PDGFB: variants seen among roughly 807,000 people sequenced by gnomAD.
PDGFB encodes platelet-derived growth factor subunit B.
In PDGFB, 6 loss-of-function variants were observed where a neutral mutation model predicts 29.0. The observed-to-expected ratio is 0.21, with a 90% CI of 0.11 to 0.41. The LOEUF (loss-of-function observed/expected upper bound fraction) is 0.41. Ranked by LOEUF, PDGFB falls within the 10% of genes least tolerant of loss-of-function variation. PDGFB has a pLI of 1.00. For synonymous variants in PDGFB, 144 were observed against 140.8 expected, an observed-to-expected ratio of 1.02 and a Z score of -0.16; for missense variants, 299 against 341.8, an observed-to-expected ratio of 0.87 and a Z score of 0.99.
chr22:39,229,605 T>C (rs2146435590), intron 5 of PDGFB, among the ~76,000 whole-genome samples: 1 of 152,206 alleles, frequency 6.6e-6, no homozygotes, highest in South Asian at 2.1e-4. Flanking sequence ...CCTTCCACCA[T>C]CCCATCCCCA....
intron 5 of PDGFB, 125 bp from the exon 6 acceptor site, chr22:39,225,972 G>GGGGAA: frequency 8.6e-7 from 1 of 1,164,466 alleles, no homozygotes; most frequent in East Asian, 2.6e-5. Flanking sequence ...CTGGACCAGG[G>GGGGAA]TCCTGGGTTT....
rs755404591 is a variant in PDGFB at position 39,235,761 on chromosome 22, G to A, written c.160+17C>T. 2.1e-5 allele frequency: 34 copies of A among 1,585,042 alleles called. No homozygotes were observed. Among genetic ancestry groups the A allele is most frequent in the African/African-American group, 4.0e-5 (3 of 74,288 alleles). ...TCTCCTCGGAGGGCCGGAGCGCGGG[G>A]CGAGGATTCCATTTACCTCCGGGGT... On this transcript the variant is annotated intron_variant, in intron 2 of 6. Coordinates refer to ENST00000331163, the MANE Select transcript of PDGFB (RefSeq NM_002608.4).
chr22:39,242,316 G>A lies in PDGFB; in HGVS notation c.63+1585C>T, dbSNP rs1470544216. On this transcript the variant is annotated intron_variant, in intron 1 of 6. Coordinates refer to ENST00000331163, the MANE Select transcript of PDGFB (RefSeq NM_002608.4). The surrounding 1 kb of genome is among the most constrained non-coding windows in gnomAD (Gnocchi z 5.7). The stretch of plus-strand genomic sequence containing the variant: ...CGTGGGGTGAGTGAGCGAGTCGGGG[G>A]CCCGGGCGGGGTGGGCTGCGGAGAG... The A allele has an allele frequency of 1.5e-5, 3 of 198,210 alleles. No homozygotes were observed. Among genetic ancestry groups the A allele is most frequent in the African/African-American group, 2.3e-5 (1 of 43,392 alleles). 12.3% of individuals were successfully genotyped at this position (198,210 alleles called of 1,614,324 possible).
intron 5 of PDGFB, among the ~76,000 whole-genome samples, chr22:39,228,092 T>A (rs1440705999): frequency 6.6e-6 from 1 of 152,112 alleles, no homozygotes; most frequent in Admixed American, 6.6e-5. Context: ...GGTCTGACAC[T>A]GACCACATTA....
At chr22:39,225,883 G>A in intron 5 of PDGFB, 36 bp from the exon 6 acceptor site, 2 of 1,590,994 alleles carry the variant, frequency 1.3e-6, no homozygotes, top group Non-Finnish European at 1.7e-6. Context: ...TCAGCATGTG[G>A]ACCATTGGGG....
Position 39,243,972 on chromosome 22 carries a change from C to G in PDGFB, c.-9G>C, listed in dbSNP as rs1463413535. 4 of 1,433,166 alleles carry G rather than the reference C, an allele frequency of 2.8e-6. No homozygotes were observed. Among genetic ancestry groups the G allele is most frequent in the Admixed American group, 1.9e-5 (1 of 52,692 alleles). The allele number at this position is 1,433,166 out of a possible 1,614,324, so 88.8% of individuals were successfully genotyped here. A position where few individuals can be genotyped will look rare whatever the true frequency, so the allele number is the denominator to read the frequency against. On this transcript the variant is annotated 5_prime_UTR_variant, in exon 1 of 7. Transcript: ENST00000331163. The surrounding 1 kb of genome is among the most constrained non-coding windows in gnomAD (Gnocchi z 6.4). ...GCCCAGCAGCGATTCATGCCGACTC[C>G]GGGCCCGGCCCCGCGGGGCCCCGGA...
chr22:39,240,125 C>T (rs927951496), intron 1 of PDGFB, among the ~76,000 whole-genome samples: 5 of 152,242 alleles, frequency 3.3e-5, no homozygotes, highest in Admixed American at 2.6e-4. Flanking sequence ...GCTCTTGGGA[C>T]CCTCCCGCTC....
intron 1 of PDGFB, among the ~76,000 whole-genome samples, chr22:39,236,153 C>T (rs545236165): frequency 6.6e-6 from 1 of 152,202 alleles, no homozygotes; most frequent in Non-Finnish European, 1.5e-5. Context: ...ATGTCTGTCT[C>T]CCCCACCAAA....
intron 1 of PDGFB, among the ~76,000 whole-genome samples, chr22:39,239,557 G>A (rs997938447): frequency 4.6e-5 from 7 of 152,138 alleles, no homozygotes; most frequent in East Asian, 3.9e-4. Context: ...CACAGGTTCC[G>A]CAGGCCTCCA....
At position 39,243,252 on chromosome 22, in the gene PDGFB, G is replaced by GTCTCTCTCTCCGTC. The variant is rs1932611477; in HGVS notation, c.63+648_63+649insGACGGAGAGAGAGA. ...CCTCTCTCTCTCCGTCTCTCTCTCC[G>GTCTCTCTCTCCGTC]TCTCTCTCTCTCTCTCTCTCTTTCT... On this transcript the variant is annotated intron_variant, in intron 1 of 6. Coordinates refer to ENST00000331163, the MANE Select transcript of PDGFB (RefSeq NM_002608.4). This position sits in a 1 kb window ranked among gnomAD's most constrained non-coding sequence, Gnocchi z 6.4. Among the ~76,000 whole-genome samples, 1 of 143,794 alleles carries GTCTCTCTCTCCGTC rather than the reference G, an allele frequency of 7.0e-6. No homozygotes were observed. The highest frequency in any genetic ancestry group is 1.5e-5 in the Non-Finnish European group (1 of 66,456). The allele number at this position is 143,794 out of a possible 152,430, so 94.3% of individuals were successfully genotyped here.
At chr22:39,228,866 G>A (rs543559935) in intron 5 of PDGFB, among the ~76,000 whole-genome samples, 205 of 142,930 alleles carry the variant, frequency 1.4e-3, no homozygotes, top group African/African-American at 5.1e-3. Flanking sequence ...TCCAGACTGC[G>A]TGACAGGGTG....
intron 5 of PDGFB, among the ~76,000 whole-genome samples, chr22:39,228,886 C>CAAAAAAAAA (rs34953400): frequency 1.9e-4 from 14 of 72,566 alleles, no homozygotes; most frequent in African/African-American, 3.4e-4. Flanking sequence ...GAGACTGCCT[C>CAAAAAAAAA]AAAAAAAATA....
intron 2 of PDGFB, 130 bp from the exon 3 acceptor site, chr22:39,233,654 C>T: frequency 1.7e-6 from 1 of 576,720 alleles, no homozygotes; most frequent in Non-Finnish European, 3.0e-6. Flanking sequence ...CTTCCAGCCC[C>T]CATAAATGCA....
chr22:39,244,378 C>CCCG lies in PDGFB; in HGVS notation c.-418_-416dup, dbSNP rs985353497. Reference sequence around the variant, plus strand: ...CGCCGGCTACAGGCGTTTTCCTCTGCCCGCCGGCTTAGCTTTTTTGCAACA... The same window carrying CCCG: ...CGCCGGCTACAGGCGTTTTCCTCTGCCCGCCGCCGGCTTAGCTTTTTTGCAACA... On this transcript the variant is annotated 5_prime_UTR_variant, in exon 1 of 7. Transcript: ENST00000331163. This position sits in a 1 kb window ranked among gnomAD's most constrained non-coding sequence, Gnocchi z 4.5. 4 of 192,608 alleles carry CCCG rather than the reference C, an allele frequency of 2.1e-5. No homozygotes were observed. The highest frequency in any genetic ancestry group is 9.3e-5 in the African/African-American group (4 of 42,930). 11.9% of individuals were successfully genotyped at this position (192,608 alleles called of 1,614,324 possible). A position where few individuals can be genotyped will look rare whatever the true frequency, so the allele number is the denominator to read the frequency against.
chr22:39,239,261 G>A (rs540088046), intron 1 of PDGFB, among the ~76,000 whole-genome samples: 3 of 152,310 alleles, frequency 2.0e-5, no homozygotes, highest in African/African-American at 7.2e-5. Flanking sequence ...AGGATGACAA[G>A]GAGTGGGTGG....
In PDGFB at chr22:39,243,269, TCTCTTTCTCTCTCTC is replaced by T. The variant is rs1569141014; in HGVS notation, c.63+617_63+631del. Among the ~76,000 whole-genome samples the T allele has an allele frequency of 4.9e-5, 7 of 142,726 alleles. No individual in the cohort carries two copies. Among genetic ancestry groups the T allele is most frequent in the East Asian group, 2.2e-4 (1 of 4,584 alleles). 93.6% of individuals were successfully genotyped at this position (142,726 alleles called of 152,430 possible). On this transcript the variant is annotated intron_variant, in intron 1 of 6. Transcript: ENST00000331163. This position sits in a 1 kb window ranked among gnomAD's most constrained non-coding sequence, Gnocchi z 6.4. ...CTCTCTCCGTCTCTCTCTCTCTCTC[TCTCTTTCTCTCTCTC>T]TCTCTCTCTCTCCCTGTTACTCCCA... is the stretch of plus-strand genomic sequence containing the variant.
At chr22:39,232,604 C>G (rs988455627) in intron 3 of PDGFB, among the ~76,000 whole-genome samples, 2 of 152,172 alleles carry the variant, frequency 1.3e-5, no homozygotes, top group African/African-American at 4.8e-5. Context: ...ATTCTCCTGC[C>G]TCAGCCTCCC....
Position 39,243,075 on chromosome 22 carries a change from C to A in PDGFB, c.63+826G>T. The A allele has an allele frequency of 4.3e-6, 1 of 233,158 alleles. No individual in the cohort carries two copies. The highest frequency in any genetic ancestry group is 8.5e-6 in the Non-Finnish European group (1 of 117,974). The allele number at this position is 233,158 out of a possible 1,614,324, so 14.4% of individuals were successfully genotyped here. ...GGCGGCGCGCTCCGCACCCTGCATGCGGGGGAGAGAGGTGCTTCCTCCTGC... is the reference window on the plus strand; with the variant it reads ...GGCGGCGCGCTCCGCACCCTGCATGAGGGGGAGAGAGGTGCTTCCTCCTGC... On this transcript the variant is annotated intron_variant, in intron 1 of 6. Transcript: ENST00000331163. The surrounding 1 kb of genome is among the most constrained non-coding windows in gnomAD (Gnocchi z 6.4).
rs1932150099 is a variant in PDGFB, at chr22:39,225,771, G to C, written c.678C>G (p.Phe226Leu). ...GTGCCGTCTTGTCATGCGTGTGCTT[G>C]AATTTCCGGTGCTTGCCCTTGGGGG... Reference protein sequence around the residue: ...RRPPKGKHRKFKHTHDKTALK... With the variant: ...RRPPKGKHRKLKHTHDKTALK... Residue 226 changes from phenylalanine to leucine, a missense_variant, in exon 6 of 7, where the codon TTC becomes TTG. Transcript: ENST00000331163. 6.2e-7 allele frequency: 1 copy of C among 1,614,162 alleles called. No individual in the cohort carries two copies. Among genetic ancestry groups the C allele is most frequent in the Non-Finnish European group, 8.5e-7 (1 of 1,180,018 alleles).
Sources: gnomAD v4.1 joint callset for allele counts (sites outside exome capture counted in the v4.1 genomes callset) on GRCh38, gnomAD v4.1.1 for gene constraint, Gnocchi (gnomAD v3.1) non-coding constraint, MANE v1.5 for transcripts, NCBI Gene and HGNC (gene_info 2026-07-23, HGNC 2026-07-21) for gene names.